Variants in CSMD2 observed in about 807,000 individuals in gnomAD.
CSMD2 encodes the protein CUB and sushi domain-containing protein 2.
Under a neutral mutation model 398.5 loss-of-function variants are expected in CSMD2, and 130 were observed. The ratio of observed to expected loss-of-function variants is 0.33; its 90% CI spans 0.28 to 0.38. CSMD2 has a LOEUF of 0.38. CSMD2 is among the 10% of genes least tolerant of loss of function. The probability of loss-of-function intolerance (pLI) is 1.00; values close to 1 mark genes in which losing one functional copy is unlikely to be tolerated. For synonymous variants in CSMD2, 1,828 were observed against 1,908.5 expected, an observed-to-expected ratio of 0.96 and a Z score of 1.10; for missense variants, 3,829 against 4,764.9, an observed-to-expected ratio of 0.80 and a Z score of 5.78.
chr1:33,797,642 TCA>T (rs1394861073), intron 10 of CSMD2, among the ~76,000 whole-genome samples: 1 of 152,186 alleles, frequency 6.6e-6, no homozygotes, highest in Non-Finnish European at 1.5e-5. Context: ...CTGTTTTCTC[TCA>T]CACTTTCCTT....
intron 3 of CSMD2, among the ~76,000 whole-genome samples, chr1:33,984,786 A>T (rs1308187215): frequency 2.0e-5 from 3 of 151,640 alleles, no homozygotes; most frequent in Non-Finnish European, 4.4e-5. Flanking sequence ...CTGTCAAAAG[A>T]AAAAGGAAAG....
At chr1:33,638,988 G>A (rs1333047323) in intron 29 of CSMD2, among the ~76,000 whole-genome samples, 1 of 152,220 alleles carries the variant, frequency 6.6e-6, no homozygotes, top group Non-Finnish European at 1.5e-5. Flanking sequence ...GTCACATGGT[G>A]GGCACTTAAC....
Position 33,918,292 on chromosome 1 carries a change from G to T in CSMD2, c.722C>A (p.Ala241Asp). Residue 241 changes from alanine to aspartate, a missense_variant, in exon 5 of 71, where the codon GCC (alanine) becomes GAC (aspartate). Coordinates refer to ENST00000373381, the MANE Select transcript of CSMD2 (RefSeq NM_001281956.2). ...CTGGCCCCGCAGGGTCCCACCACAG[G>T]CATCATCAGCTGTGGGCACAGAGAG... ...FPLPSCRADD[A>D]CGGTLRGQSG... The T allele has an allele frequency of 6.2e-7, 1 of 1,613,724 alleles. No homozygotes were observed. Among genetic ancestry groups the T allele is most frequent in the Non-Finnish European group, 8.5e-7 (1 of 1,179,928 alleles).
At position 33,884,384 on chromosome 1, in the gene CSMD2, A is replaced by AC. The variant is rs1036182079; in HGVS notation, c.920+33709dup. Among the ~76,000 whole-genome samples the AC allele has an allele frequency of 3.5e-4, 52 of 150,534 alleles. 1 individual carries two copies. The Middle Eastern group carries it at 0.01, about 30-fold the overall frequency. Reference sequence around the variant, plus strand: ...GGGGCACCTCAAACTTAAGATGATCACCCCCTTTGCCACTTCCTGCCATCC... The same window carrying AC: ...GGGGCACCTCAAACTTAAGATGATCACCCCCCTTTGCCACTTCCTGCCATCC... On this transcript the variant is annotated intron_variant, in intron 5 of 70. Coordinates refer to ENST00000373381, the MANE Select transcript of CSMD2 (RefSeq NM_001281956.2).
chr1:33,721,904 T>A (rs902386319), intron 19 of CSMD2, among the ~76,000 whole-genome samples: 3 of 152,246 alleles, frequency 2.0e-5, no homozygotes, highest in African/African-American at 7.2e-5. Context: ...TGGGGTATAT[T>A]TTTTCCAGGC....
intron 3 of CSMD2, among the ~76,000 whole-genome samples, chr1:33,989,013 CATATATATAT>C (rs71029018): frequency 0.014 from 1,342 of 93,218 alleles, 31 homozygotes; most frequent in Non-Finnish European, 0.02. Context: ...TCTCTCTCTC[CATATATATAT>C]ATATATATAT....
chr1:33,864,740 C>A, intron 5 of CSMD2: 2 of 1,607,494 alleles, frequency 1.2e-6, no homozygotes, highest in South Asian at 1.1e-5. Flanking sequence ...GGAAAAGAGT[C>A]AGGCAGAGCT....
At chr1:34,050,200 T>C (rs1653017353) in intron 2 of CSMD2, among the ~76,000 whole-genome samples, 1 of 152,234 alleles carries the variant, frequency 6.6e-6, no homozygotes, top group African/African-American at 2.4e-5. Flanking sequence ...AATGGTACCC[T>C]TCCCTGGCAT....
intron 2 of CSMD2, among the ~76,000 whole-genome samples, chr1:34,044,079 A>C (rs1652195999): frequency 6.6e-6 from 1 of 152,104 alleles, no homozygotes; most frequent in African/African-American, 2.4e-5. Context: ...CACTATAATA[A>C]ATCATAGCCA....
chr1:34,160,476 G>C (rs1641230402), intron 1 of CSMD2, among the ~76,000 whole-genome samples: 1 of 152,162 alleles, frequency 6.6e-6, no homozygotes, highest in Non-Finnish European at 1.5e-5. Context: ...TGTGGGGAAA[G>C]GAACAGGGGA....
At chr1:33,814,641 T>C (rs1657250711) in intron 9 of CSMD2, among the ~76,000 whole-genome samples, 1 of 152,196 alleles carries the variant, frequency 6.6e-6, no homozygotes, top group Non-Finnish European at 1.5e-5. Context: ...GTCCCTTGTT[T>C]TGGAGGGCAT....
At chr1:33,697,967 G>T (rs561458915) in intron 24 of CSMD2, among the ~76,000 whole-genome samples, 1 of 152,202 alleles carries the variant, frequency 6.6e-6, no homozygotes. Flanking sequence ...GCACAGACAC[G>T]TTGAGGTTGT....
chr1:33,819,926 A>G, intron 8 of CSMD2, 89 bp from the exon 9 acceptor site: 4 of 1,545,062 alleles, frequency 2.6e-6, no homozygotes, highest in East Asian at 2.3e-5. Flanking sequence ...GAAGCCGCAC[A>G]TGTTATTTTT....
At chr1:34,089,228 A>C (rs775965777) in intron 1 of CSMD2, 35 bp from the exon 2 acceptor site, 6 of 1,578,976 alleles carry the variant, frequency 3.8e-6, no homozygotes. Context: ...CAGAATAGCC[A>C]GAATAACTCC....
chr1:33,836,826 C>T (rs184861054), intron 6 of CSMD2, among the ~76,000 whole-genome samples: 2 of 152,322 alleles, frequency 1.3e-5, no homozygotes, highest in Admixed American at 6.5e-5. Flanking sequence ...GAGGCCATGC[C>T]TCGCCCTGCT....
intron 26 of CSMD2, 102 bp from the exon 27 acceptor site, chr1:33,658,239 GC>G: frequency 1.0e-6 from 1 of 961,394 alleles, no homozygotes; most frequent in South Asian, 1.5e-5. Context: ...TCCGTGCATT[GC>G]CACAACCACC....
intron 10 of CSMD2, among the ~76,000 whole-genome samples, chr1:33,798,031 A>G (rs1377826294): frequency 1.3e-5 from 2 of 152,286 alleles, no homozygotes; most frequent in South Asian, 2.1e-4. Flanking sequence ...AACATACACA[A>G]TGCTGCAGTT....
chr1:33,680,610 G>T (rs1322034953), intron 25 of CSMD2, among the ~76,000 whole-genome samples: 2 of 152,008 alleles, frequency 1.3e-5, no homozygotes, highest in African/African-American at 4.8e-5. Flanking sequence ...CCTTATATCC[G>T]GTCAGCCTCT....
At chr1:33,950,772 A>G (rs554330081) in intron 3 of CSMD2, among the ~76,000 whole-genome samples, 19 of 152,164 alleles carry the variant, frequency 1.2e-4, no homozygotes, top group Non-Finnish European at 2.5e-4. Flanking sequence ...CTGGCCTGCA[A>G]CTGTCCTGGG....
Sources: gnomAD v4.1 joint callset for allele counts (sites outside exome capture counted in the v4.1 genomes callset) on GRCh38, gnomAD v4.1.1 for gene constraint, MANE v1.5 for transcripts, NCBI Gene and HGNC (gene_info 2026-07-23, HGNC 2026-07-21) for gene names.